Variants in SDS observed in about 807,000 individuals in gnomAD.
SDS encodes L-serine dehydratase/L-threonine deaminase.
A neutral mutation model predicts 29.3 loss-of-function variants in SDS; 19 were observed. That is an observed-to-expected ratio of 0.65 (90% CI 0.45 to 0.95). The LOEUF (loss-of-function observed/expected upper bound fraction) is 0.95. SDS is among the 40% of genes least tolerant of loss of function. The probability of loss-of-function intolerance (pLI) is 0.00; values close to 1 mark genes in which losing one functional copy is unlikely to be tolerated. For synonymous variants in SDS, 176 were observed against 189.0 expected (o/e 0.93, Z 0.56); for missense variants, 375 against 439.9 (o/e 0.85, Z 1.32).
At chr12:113,396,917 G>C (rs1156274982) in intron 6 of SDS, 11 of 553,056 alleles carry the variant, frequency 2.0e-5, no homozygotes, top group Non-Finnish European at 1.3e-5. Flanking sequence ...GGGATTACAG[G>C]CACAAGTCAC....
chr12:113,397,282 C>G lies in SDS; in HGVS notation c.536G>C (p.Gly179Ala). ...GTCCCCCCAGCCCACCTCCTGCAGC[C>G]CCTGGACCACTCCACACAGCAGGCC... The part of the protein sequence containing the change: ...GGGLLCGVVQ[G>A]LQEVGWGDVP... The change falls in exon 6 of 8, where the codon GGG (glycine) becomes GCG (alanine). Residue 179 changes from glycine to alanine, a missense_variant. By Grantham distance (60) the Gly-to-Ala change is moderately conservative. Coordinates refer to ENST00000257549, the MANE Select transcript of SDS (RefSeq NM_006843.3). 1 of 1,614,202 alleles carries G rather than the reference C, an allele frequency of 6.2e-7. No individual in the cohort carries two copies. Among genetic ancestry groups the G allele is most frequent in the Non-Finnish European group, 8.5e-7 (1 of 1,180,040 alleles).
intron 7 of SDS, 88 bp from the exon 8 acceptor site, chr12:113,393,237 C>T: frequency 8.0e-7 from 1 of 1,245,340 alleles, no homozygotes; most frequent in Non-Finnish European, 1.2e-6. Context: ...CCTGGGAATA[C>T]TGAGCCAATC....
intron 1 of SDS, among the ~76,000 whole-genome samples, chr12:113,401,177 T>G (rs778679803): frequency 4.4e-4 from 67 of 151,984 alleles, no homozygotes; most frequent in Non-Finnish European, 5.9e-5. Context: ...CAGTTCCAAG[T>G]ATCTTGGCTT....
intron 1 of SDS, among the ~76,000 whole-genome samples, chr12:113,401,650 C>T (rs752404727): frequency 3.9e-5 from 6 of 152,174 alleles, no homozygotes; most frequent in Non-Finnish European, 7.3e-5. Context: ...GATTTGAACT[C>T]GGGCAGCTGG....
At chr12:113,398,667 C>G in intron 4 of SDS, 40 bp downstream of exon 4, 2 of 1,607,878 alleles carry the variant, frequency 1.2e-6, no homozygotes. Flanking sequence ...GTCCAGCCAC[C>G]AGGCGCCCTC....
chr12:113,396,366 TTCTC>T (rs1280579278), intron 6 of SDS, among the ~76,000 whole-genome samples: 5 of 148,180 alleles, frequency 3.4e-5, no homozygotes, highest in Admixed American at 1.4e-4. Context: ...TTTCCTTTCT[TTCTC>T]TTTCTCTCTT....
intron 6 of SDS, among the ~76,000 whole-genome samples, chr12:113,394,450 C>T (rs1210223568): frequency 1.3e-5 from 2 of 151,790 alleles, no homozygotes; most frequent in Non-Finnish European, 2.9e-5. Context: ...AGCAATTCTC[C>T]AGCCTCAGCC....
rs771594839 is a variant in SDS at position 113,397,212 on chromosome 12, G to A, written c.606C>T (p.His202=). ...AMETFGAHSF[H]AATTAGKLVS... is the part of the protein sequence containing the mutation. ...CAAGTTTGCCTGCGGTGGTGGCAGC[G>A]TGGAAGCTGTGGGCACCAAAAGTCT... is the stretch of plus-strand genomic sequence containing the variant. The change falls in exon 6 of 8, where the codon CAC becomes CAT. Residue 202 remains histidine (H), a synonymous_variant. Transcript: ENST00000257549. 7 of 1,614,192 alleles carry A rather than the reference G, an allele frequency of 4.3e-6. No homozygotes were observed. The highest frequency in any genetic ancestry group is 4.5e-5 in the East Asian group (2 of 44,888).
chr12:113,401,651 G>A (rs538102885), intron 1 of SDS, among the ~76,000 whole-genome samples: 5 of 152,170 alleles, frequency 3.3e-5, no homozygotes, highest in Admixed American at 1.3e-4. Context: ...ATTTGAACTC[G>A]GGCAGCTGGC....
rs983683916 is a variant in SDS, at chr12:113,392,463, T to C, written c.*478A>G. ...CAGGATCTTTGTTTCATAAATATAT[T>C]TTATTTTTCAATGAAAAAGTTTGCA... is the stretch of plus-strand genomic sequence containing the variant. On this transcript the variant is annotated 3_prime_UTR_variant, in exon 8 of 8. Coordinates refer to ENST00000257549, the MANE Select transcript of SDS (RefSeq NM_006843.3). 6.4e-6 allele frequency: 1 copy of C among 157,440 alleles called. No homozygotes were observed. The highest frequency in any genetic ancestry group is 2.4e-5 in the African/African-American group (1 of 41,504). 9.8% of individuals were successfully genotyped at this position (157,440 alleles called of 1,614,324 possible).
intron 7 of SDS, 140 bp downstream of exon 7, chr12:113,393,752 A>G: frequency 9.2e-7 from 1 of 1,090,766 alleles, no homozygotes; most frequent in Non-Finnish European, 1.3e-6. Flanking sequence ...ATCTTCTATT[A>G]ATGGAAAATT....
intron 6 of SDS, among the ~76,000 whole-genome samples, chr12:113,395,991 C>T (rs1957641500): frequency 6.6e-6 from 1 of 152,156 alleles, no homozygotes; most frequent in Non-Finnish European, 1.5e-5. Context: ...GACGCCTACT[C>T]CTGAGGCTGA....
rs553039992 is a variant in SDS, at chr12:113,392,771, G to A, written c.*170C>T. On this transcript the variant is annotated 3_prime_UTR_variant, in exon 8 of 8. Transcript: ENST00000257549. Reference sequence around the variant, plus strand: ...CCAAAAAGGTCCAATTCATAGCCTCGCTGGCTGCCGACCTTTGGCCTCTGC... The same window carrying A: ...CCAAAAAGGTCCAATTCATAGCCTCACTGGCTGCCGACCTTTGGCCTCTGC... The A allele has an allele frequency of 1.7e-5, 12 of 715,028 alleles. No homozygotes were observed. Among genetic ancestry groups the A allele is most frequent in the South Asian group, 9.5e-5 (6 of 63,478 alleles). 44.3% of individuals were successfully genotyped at this position (715,028 alleles called of 1,614,324 possible). A position where few individuals can be genotyped will look rare whatever the true frequency, so the allele number is the denominator to read the frequency against.
In SDS at chr12:113,398,559, G is replaced by C. The variant is rs761470062; in HGVS notation, c.381C>G (p.Asn127Lys). The change falls in exon 5 of 8, where the codon AAC (asparagine) becomes AAG (lysine). Residue 127 changes from asparagine (N) to lysine (K), a missense_variant. By Grantham distance (94) the Asn-to-Lys change is moderately conservative (BLOSUM62 0). Coordinates refer to ENST00000257549, the MANE Select transcript of SDS (RefSeq NM_006843.3). ...AGGGGGGAATGTAGACCCAACCCGG[G>C]TTGTTCTTCGCTAGGGCCTTGGCCA... Reference protein sequence around the residue: ...FELAKALAKNNPGWVYIPPFD... With the variant: ...FELAKALAKNKPGWVYIPPFD... 3 of 1,595,064 alleles carry C rather than the reference G, an allele frequency of 1.9e-6. No individual in the cohort carries two copies. The highest frequency in any genetic ancestry group is 2.7e-5 in the African/African-American group (2 of 73,914).
intron 1 of SDS, among the ~76,000 whole-genome samples, chr12:113,403,553 T>G (rs1040011564): frequency 2.0e-5 from 3 of 151,274 alleles, no homozygotes; most frequent in Non-Finnish European, 4.4e-5. Context: ...TTGTAGAGAT[T>G]GGGGGGGGTC....
intron 3 of SDS, 128 bp from the exon 4 acceptor site, chr12:113,398,974 TCCC>T: frequency 6.6e-7 from 1 of 1,521,446 alleles, no homozygotes; most frequent in Non-Finnish European, 9.0e-7. Context: ...ACTGCTGGCC[TCCC>T]CCTGGAATTC....
chr12:113,397,327 G>A lies in SDS; in HGVS notation c.491C>T (p.Ala164Val), dbSNP rs151240589. 5.0e-5 allele frequency: 80 copies of A among 1,613,876 alleles called. No homozygotes were observed. Among genetic ancestry groups the A allele is most frequent in the Middle Eastern group, 1.6e-4 (1 of 6,080 alleles). Reference sequence around the variant, plus strand: ...CAGGCCCCCGCCGCCCACTGACAGCGCGATGGCCCCCGGCTTTTCCCACAG... The same window carrying A: ...CAGGCCCCCGCCGCCCACTGACAGCACGATGGCCCCCGGCTTTTCCCACAG... Reference protein sequence around the residue: ...ETLWEKPGAIALSVGGGGLLC... With the variant: ...ETLWEKPGAIVLSVGGGGLLC... Residue 164 changes from alanine to valine, a missense_variant, in exon 6 of 8, where the codon GCG becomes GTG. Physicochemically the swap from Ala to Val is moderately conservative, Grantham distance 64. Transcript: ENST00000257549.
At chr12:113,400,506 GA>G (rs1957678535) in intron 1 of SDS, among the ~76,000 whole-genome samples, 1 of 151,066 alleles carries the variant, frequency 6.6e-6, no homozygotes, top group Admixed American at 6.6e-5. Flanking sequence ...CTATCTATGT[GA>G]AAAATTCAGG....
At chr12:113,394,465 G>A (rs1290747663) in intron 6 of SDS, among the ~76,000 whole-genome samples, 4 of 150,974 alleles carry the variant, frequency 2.6e-5, no homozygotes, top group South Asian at 2.1e-4. Context: ...TCAGCCTACC[G>A]AGTAGCTGGG....
Sources: allele counts gnomAD v4.1 joint callset (sites outside exome capture counted in the v4.1 genomes callset), GRCh38; gene constraint gnomAD v4.1.1; transcripts MANE v1.5; gene names NCBI Gene and HGNC (gene_info 2026-07-23, HGNC 2026-07-21).